Variants in KCND2 observed in about 807,000 individuals in gnomAD.
The protein encoded by KCND2 is potassium voltage-gated channel subfamily D member 2.
A neutral mutation model predicts 54.4 loss-of-function variants in KCND2; 16 were observed. The ratio of observed to expected loss-of-function variants is 0.29; its 90% CI spans 0.20 to 0.45. The LOEUF (loss-of-function observed/expected upper bound fraction) is 0.45, where lower values mean the gene tolerates loss of function less well. Ranked by LOEUF, KCND2 falls within the 20% of genes least tolerant of loss-of-function variation. KCND2 has a pLI of 1.00. For missense variants in KCND2, 486 were observed against 824.2 expected, an observed-to-expected ratio of 0.59 and a Z score of 5.02; for synonymous variants, 317 against 310.7, an observed-to-expected ratio of 1.02 and a Z score of -0.21.
At chr7:120,730,663 A>G (rs1792795219) in intron 1 of KCND2, among the ~76,000 whole-genome samples, 1 of 152,154 alleles carries the variant, frequency 6.6e-6, no homozygotes, top group South Asian at 2.1e-4. Flanking sequence ...AATTAGCTCA[A>G]CTACTGATCA....
chr7:120,446,545 AACAC>A (rs150533505), intron 1 of KCND2, among the ~76,000 whole-genome samples: 2 of 138,668 alleles, frequency 1.4e-5, no homozygotes, highest in Non-Finnish European at 3.0e-5. Context: ...CCATATTATA[AACAC>A]ACACACACAC....
rs771899880 is a variant in KCND2, at chr7:120,357,918, C to T, written c.1115+82171C>T. 2.6e-5 allele frequency among the ~76,000 whole-genome samples: 4 copies of T among 151,996 alleles called. No individual in the cohort carries two copies. The South Asian group carries it at 6.2e-4, about 24-fold the overall frequency. On this transcript the variant is annotated intron_variant, in intron 1 of 5. Coordinates refer to ENST00000331113, the MANE Select transcript of KCND2 (RefSeq NM_012281.3). ...GACCTATCTCTCAATACAGCCACAT[C>T]GGGGGTTGCAGCTTCATCATATGAA...
intron 1 of KCND2, among the ~76,000 whole-genome samples, chr7:120,287,046 G>C (rs1384065217): frequency 5.3e-5 from 8 of 152,036 alleles, no homozygotes. Context: ...CTTATTTCAT[G>C]AAGAGTTTTT....
chr7:120,404,269 T>C (rs1184511140), intron 1 of KCND2, among the ~76,000 whole-genome samples: 1 of 152,180 alleles, frequency 6.6e-6, no homozygotes, highest in Non-Finnish European at 1.5e-5. Flanking sequence ...GGGAAGATTT[T>C]ATGATACTGT....
intron 1 of KCND2, among the ~76,000 whole-genome samples, chr7:120,665,406 C>G (rs1791914152): frequency 6.6e-6 from 1 of 152,174 alleles, no homozygotes; most frequent in South Asian, 2.1e-4. Context: ...TACAAATTTA[C>G]TTGATATATC....
chr7:120,712,130 C>CTTTT (rs11296028), intron 1 of KCND2, among the ~76,000 whole-genome samples: 61 of 120,306 alleles, frequency 5.1e-4, no homozygotes, highest in African/African-American at 8.8e-4. Flanking sequence ...AATAAGAAAG[C>CTTTT]TTTTTTTTTT....
chr7:120,407,947 A>G (rs1018123409), intron 1 of KCND2, among the ~76,000 whole-genome samples: 2 of 151,796 alleles, frequency 1.3e-5, no homozygotes, highest in Non-Finnish European at 2.9e-5. Flanking sequence ...TCAAGGAATG[A>G]TTCTAGGAAG....
intron 1 of KCND2, among the ~76,000 whole-genome samples, chr7:120,724,625 G>A (rs556854260): frequency 6.6e-6 from 1 of 152,220 alleles, no homozygotes; most frequent in South Asian, 2.1e-4. Context: ...GTGATGGAGA[G>A]ACACTGAAGG....
At chr7:120,355,648 T>A (rs927247021) in intron 1 of KCND2, among the ~76,000 whole-genome samples, 11 of 152,184 alleles carry the variant, frequency 7.2e-5, no homozygotes, top group Non-Finnish European at 1.5e-4. Context: ...TTTTACTACA[T>A]ACTACTAGCC....
chr7:120,629,788 TGA>T, intron 1 of KCND2, among the ~76,000 whole-genome samples: 1 of 152,132 alleles, frequency 6.6e-6, no homozygotes, highest in South Asian at 2.1e-4. Flanking sequence ...TTGGTGTGTG[TGA>T]GAGGGTGAGG....
intron 1 of KCND2, among the ~76,000 whole-genome samples, chr7:120,443,624 T>A (rs983126023): frequency 6.6e-6 from 1 of 152,026 alleles, no homozygotes; most frequent in African/African-American, 2.4e-5. Flanking sequence ...CAAAGTCTGA[T>A]CATGCCATTC....
At chr7:120,576,421 T>G (rs1792434755) in intron 1 of KCND2, among the ~76,000 whole-genome samples, 1 of 152,254 alleles carries the variant, frequency 6.6e-6, no homozygotes, top group South Asian at 2.1e-4. Context: ...ACATTTAGGT[T>G]GATTCCATTG....
intron 1 of KCND2, among the ~76,000 whole-genome samples, chr7:120,523,830 G>A (rs554407023): frequency 4.2e-4 from 62 of 149,226 alleles, no homozygotes; most frequent in Non-Finnish European, 6.8e-4. Context: ...TATATATTCA[G>A]CAACATATAT....
chr7:120,504,546 A>G (rs1475893518), intron 1 of KCND2, among the ~76,000 whole-genome samples: 5 of 151,878 alleles, frequency 3.3e-5, no homozygotes, highest in African/African-American at 1.2e-4. Flanking sequence ...ATTATACATC[A>G]TAGTCTTTGT....
chr7:120,296,624 TTC>T (rs1157950756), intron 1 of KCND2, among the ~76,000 whole-genome samples: 2 of 152,092 alleles, frequency 1.3e-5, no homozygotes, highest in Non-Finnish European at 2.9e-5. Flanking sequence ...GTCATTCTCA[TTC>T]TCTGAGTGGT....
intron 1 of KCND2, among the ~76,000 whole-genome samples, chr7:120,369,284 A>G (rs1412817450): frequency 6.6e-6 from 1 of 151,956 alleles, no homozygotes; most frequent in African/African-American, 2.4e-5. Context: ...GGTACCTCTT[A>G]TATTTTGCTT....
intron 1 of KCND2, among the ~76,000 whole-genome samples, chr7:120,330,603 AAAAAG>A (rs1254412791): frequency 1.3e-5 from 2 of 150,512 alleles, no homozygotes; most frequent in Non-Finnish European, 3.0e-5. Context: ...AAAAAAAAAA[AAAAAG>A]TTAGCTAACA....
At chr7:120,449,029 G>A (rs772152147) in intron 1 of KCND2, among the ~76,000 whole-genome samples, 2 of 151,990 alleles carry the variant, frequency 1.3e-5, no homozygotes, top group African/African-American at 4.8e-5. Flanking sequence ...CACACACAAC[G>A]AAATAGAAAT....
At chr7:120,645,645 G>A (rs1202283788) in intron 1 of KCND2, among the ~76,000 whole-genome samples, 4 of 152,094 alleles carry the variant, frequency 2.6e-5, no homozygotes, top group Non-Finnish European at 5.9e-5. Flanking sequence ...CTAATTTAGG[G>A]TTCTGCTTCC....
Sources: gnomAD v4.1 joint callset for allele counts (sites outside exome capture counted in the v4.1 genomes callset) on GRCh38, gnomAD v4.1.1 for gene constraint, MANE v1.5 for transcripts, NCBI Gene and HGNC (gene_info 2026-07-23, HGNC 2026-07-21) for gene names.